The following AKR1C2 variants were observed in gnomAD, a reference collection of about 807,000 sequenced individuals.
AKR1C2 encodes 3-alpha-HSD3.
Under a neutral mutation model 39.8 loss-of-function variants are expected in AKR1C2, and 27 were observed. That is an observed-to-expected ratio of 0.68 (90% CI 0.50 to 0.93). The LOEUF (loss-of-function observed/expected upper bound fraction) is 0.93, where lower values mean the gene tolerates loss of function less well. Among genes scored for constraint, AKR1C2 ranks in the 40% least tolerant of loss-of-function variants. The probability of loss-of-function intolerance (pLI) is 0.00; values close to 1 mark genes in which losing one functional copy is unlikely to be tolerated. For synonymous variants in AKR1C2, 114 were observed against 137.9 expected (o/e 0.83, Z 1.22); for missense variants, 263 against 365.1 (o/e 0.72, Z 2.28).
upstream of AKR1C2, among the ~76,000 whole-genome samples, chr10:5,005,319 A>G (rs1837377961): frequency 6.6e-6 from 1 of 152,242 alleles, no homozygotes; most frequent in Non-Finnish European, 1.5e-5. Context: ...AATGACTGTC[A>G]TGACATAGAA....
upstream of AKR1C2, chr10:5,006,146 C>A (rs554026329): frequency 5.9e-5 from 9 of 152,160 alleles, no homozygotes; most frequent in Non-Finnish European, 1.2e-4. Context: ...TATTGGATTC[C>A]CAGAAGGGGA....
intron 1 of AKR1C2, among the ~76,000 whole-genome samples, chr10:5,002,524 G>A (rs1362802622): frequency 6.6e-6 from 1 of 151,940 alleles, no homozygotes; most frequent in Non-Finnish European, 1.5e-5. Flanking sequence ...GAAATAGGCT[G>A]CAGGGAGTAA....
chr10:5,005,688 A>C (rs1352690602), upstream of AKR1C2, among the ~76,000 whole-genome samples: 1 of 152,242 alleles, frequency 6.6e-6, no homozygotes, highest in Non-Finnish European at 1.5e-5. Context: ...GCTCAAAAAA[A>C]TAAAATGACA....
In AKR1C2 at chr10:5,002,322, T is replaced by C. The variant is rs557284612; in HGVS notation, c.85-641A>G. Among the ~76,000 whole-genome samples the C allele has an allele frequency of 6.6e-5, 10 of 152,240 alleles. No individual in the cohort carries two copies. In the South Asian group the frequency reaches 2.1e-3, roughly 32 times the overall value. ...CAGTTACGTAGAGCCACCATTCTTA[T>C]CAGTTAGGAAACAGGGAGAACTCCA... On this transcript the variant is annotated intron_variant, in intron 1 of 8. Transcript: ENST00000380753.
At chr10:4,998,369 A>C (rs1554773379) in intron 5 of AKR1C2, among the ~76,000 whole-genome samples, 1 of 152,150 alleles carries the variant, frequency 6.6e-6, no homozygotes, top group African/African-American at 2.4e-5. Context: ...CTAATTGGCA[A>C]TCCTTGGACT....
chr10:4,998,361 A>G lies in AKR1C2; in HGVS notation c.570+264T>C, dbSNP rs1588302785. Among the ~76,000 whole-genome samples, 3 of 152,322 alleles carry G rather than the reference A, an allele frequency of 2.0e-5. 1 individual carries two copies. In the South Asian group the frequency reaches 6.2e-4, roughly 32 times the overall value. On this transcript the variant is annotated intron_variant, in intron 5 of 8. Transcript: ENST00000380753. ...GGTAAGTCCACCTTTCCCTGAGTCT[A>G]ATTGGCAATCCTTGGACTTCTTGAT...
At chr10:5,004,164 AG>A (rs1837351283), upstream of AKR1C2, 1 of 217,946 alleles carries the variant, frequency 4.6e-6, no homozygotes, top group Admixed American at 5.3e-5. Flanking sequence ...ATAAGAATAT[AG>A]AAACCTCTAG....
intron 7 of AKR1C2, among the ~76,000 whole-genome samples, chr10:4,992,281 G>A (rs1836866402): frequency 6.6e-6 from 1 of 152,072 alleles, no homozygotes; most frequent in Admixed American, 6.6e-5. Flanking sequence ...TAGGTTTGAT[G>A]AATAACATTG....
intron 5 of AKR1C2, among the ~76,000 whole-genome samples, chr10:4,998,261 G>A (rs1292873954): frequency 2.0e-4 from 31 of 151,486 alleles, no homozygotes; most frequent in Non-Finnish European, 3.7e-4. Context: ...ATCTCTTCAT[G>A]GCTTCATATC....
At chr10:4,998,283 C>A (rs558560023) in intron 5 of AKR1C2, among the ~76,000 whole-genome samples, 1 of 152,094 alleles carries the variant, frequency 6.6e-6, no homozygotes, top group South Asian at 2.1e-4. Context: ...ATGCACAGTT[C>A]CCTCCAAATC....
chr10:4,998,902 G>T (rs530571257), intron 4 of AKR1C2, among the ~76,000 whole-genome samples, 155 bp from the exon 5 acceptor site: 1 of 152,276 alleles, frequency 6.6e-6, no homozygotes, highest in South Asian at 2.1e-4. Flanking sequence ...AGAAAAATTG[G>T]GGAAGAAGAT....
Position 4,999,938 on chromosome 10 carries a change from C to T in AKR1C2, c.369+612G>A, listed in dbSNP as rs1291869192. The T allele has an allele frequency of 7.1e-6, 7 of 985,704 alleles. No homozygotes were observed. The Admixed American group carries it at 4.0e-4, about 56-fold the overall frequency. 61.1% of individuals were successfully genotyped at this position (985,704 alleles called of 1,614,324 possible). ...CTTAATGTAGCCCTGGCTTTGATTT[C>T]CCATTATCATATCTAATATACCCTT... On this transcript the variant is annotated intron_variant, in intron 3 of 8. Coordinates refer to ENST00000380753, the MANE Select transcript of AKR1C2 (RefSeq NM_001393392.1).
chr10:4,995,941 A>G, intron 5 of AKR1C2, 76 bp from the exon 6 acceptor site: 1 of 1,527,548 alleles, frequency 6.5e-7, no homozygotes, highest in Non-Finnish European at 8.9e-7. Context: ...AAGTAAAAGA[A>G]GCTGAATAAT....
At chr10:5,006,300 G>A (rs1224062828), upstream of AKR1C2, among the ~76,000 whole-genome samples, 1 of 152,212 alleles carries the variant, frequency 6.6e-6, no homozygotes, top group Admixed American at 6.5e-5. Context: ...AGACCTATAT[G>A]TGTTATCATC....
rs577873366 is a variant in AKR1C2, at chr10:5,000,471, G to T, written c.369+79C>A. The T allele has an allele frequency of 6.8e-6, 11 of 1,612,492 alleles. No individual in the cohort carries two copies. The East Asian group carries it at 2.0e-4, about 29-fold the overall frequency. On this transcript the variant is annotated intron_variant, in intron 3 of 8. Coordinates refer to ENST00000380753, the MANE Select transcript of AKR1C2 (RefSeq NM_001393392.1). ...AATCCCTATGTCCTCCTAAGAAAAA[G>T]CTTAGTTCAAATCTCCATGAAAACA...
In AKR1C2 at chr10:5,001,687, G is replaced by T. The variant is rs782812489; in HGVS notation, c.85-6C>A. 6 of 1,613,544 alleles carry T rather than the reference G, an allele frequency of 3.7e-6. No individual in the cohort carries two copies. The South Asian group carries it at 5.5e-5, about 15-fold the overall frequency. On this transcript the variant is annotated splice_region_variant and splice_polypyrimidine_tract_variant and intron_variant, in intron 1 of 8. Transcript: ENST00000380753. ...AGAGCTTTACTTTTAGGAACCTGGG[G>T]GAGCAACCAAACGTAATATTTTCTG... is the stretch of plus-strand genomic sequence containing the variant.
At chr10:4,990,478 G>C (rs1373478674) in intron 8 of AKR1C2, among the ~76,000 whole-genome samples, 1 of 152,066 alleles carries the variant, frequency 6.6e-6, no homozygotes, top group East Asian at 1.9e-4. Context: ...GGTAGTAATT[G>C]TACTTTATTT....
intron 7 of AKR1C2, among the ~76,000 whole-genome samples, chr10:4,993,565 C>T (rs1198781862): frequency 1.3e-5 from 2 of 151,538 alleles, no homozygotes; most frequent in Non-Finnish European, 2.9e-5. Context: ...TTGTGATATT[C>T]CCAATATAGG....
chr10:5,001,460 T>G (rs1837269995), intron 2 of AKR1C2, 54 bp downstream of exon 2: 1 of 1,573,478 alleles, frequency 6.4e-7, no homozygotes, highest in Admixed American at 1.9e-5. Context: ...AACTGCCACC[T>G]CCACACAATC....
Sources: allele counts gnomAD v4.1 joint callset (sites outside exome capture counted in the v4.1 genomes callset), GRCh38; gene constraint gnomAD v4.1.1; transcripts MANE v1.5; gene names NCBI Gene and HGNC (gene_info 2026-07-23, HGNC 2026-07-21).